RNF4: variants seen among roughly 807,000 people sequenced by gnomAD.
RNF4 encodes the protein E3 ubiquitin-protein ligase RNF4.
RNF4 carries 7 observed loss-of-function variants against 24.3 expected under a neutral mutation model. The observed-to-expected ratio is 0.29, with a 90% CI of 0.16 to 0.54. The LOEUF is 0.54. RNF4 is among the 20% of genes least tolerant of loss of function. RNF4 has a pLI of 0.95. For missense variants in RNF4, 209 were observed against 248.5 expected (o/e 0.84, Z 1.07); for synonymous variants, 83 against 84.3 (o/e 0.98, Z 0.09).
intron 1 of RNF4, among the ~76,000 whole-genome samples, chr4:2,470,444 G>A (rs571511978): frequency 1.3e-4 from 20 of 152,324 alleles, no homozygotes; most frequent in Admixed American, 7.8e-4. Context: ...AGGCATTCGA[G>A]TAGCAAGATA....
In RNF4 at chr4:2,512,324, C is replaced by G. The variant is rs1213365315; in HGVS notation, c.215-114C>G. 1.7e-5 allele frequency: 21 copies of G among 1,266,620 alleles called. No homozygotes were observed. Among genetic ancestry groups the G allele is most frequent in the Non-Finnish European group, 2.2e-5 (20 of 893,594 alleles). 78.5% of individuals were successfully genotyped at this position (1,266,620 alleles called of 1,614,324 possible). On this transcript the variant is annotated intron_variant, in intron 5 of 7. Coordinates refer to ENST00000314289, the MANE Select transcript of RNF4 (RefSeq NM_002938.5). The surrounding 1 kb of genome is among the most constrained non-coding windows in gnomAD (Gnocchi z 4.1). The stretch of plus-strand genomic sequence containing the variant: ...ATAGCTGAGCATGGCAGCAGTTTGT[C>G]TCTGGGGGTCCCAGGCAGGGAAGGA...
chr4:2,501,675 G>T (rs1033512350), intron 4 of RNF4, among the ~76,000 whole-genome samples: 1 of 152,210 alleles, frequency 6.6e-6, no homozygotes, highest in Non-Finnish European at 1.5e-5. Flanking sequence ...CACAGGTCGG[G>T]GTGGGGGCAC....
At chr4:2,478,057 G>A (rs1735133332) in intron 1 of RNF4, among the ~76,000 whole-genome samples, 1 of 152,188 alleles carries the variant, frequency 6.6e-6, no homozygotes, top group African/African-American at 2.4e-5. Flanking sequence ...AACTTGTTGG[G>A]AACTGGAGCA....
At chr4:2,477,662 A>G (rs1453347324) in intron 1 of RNF4, among the ~76,000 whole-genome samples, 1 of 152,158 alleles carries the variant, frequency 6.6e-6, no homozygotes, top group Non-Finnish European at 1.5e-5. Context: ...CCATCTATGT[A>G]AGGCATGACT....
intron 1 of RNF4, among the ~76,000 whole-genome samples, chr4:2,488,129 G>A (rs1735468052): frequency 6.6e-6 from 1 of 152,168 alleles, no homozygotes. Flanking sequence ...GGCAGGGGCT[G>A]TACTGTGAAT....
chr4:2,475,971 A>G (rs933678454), intron 1 of RNF4, among the ~76,000 whole-genome samples: 4 of 152,182 alleles, frequency 2.6e-5, no homozygotes, highest in African/African-American at 9.7e-5. Flanking sequence ...CACATGGCCA[A>G]TGTTTCTAGA....
chr4:2,514,240 G>A lies in RNF4; in HGVS notation c.*421G>A, dbSNP rs1174725467. 3 of 192,238 alleles carry A rather than the reference G, an allele frequency of 1.6e-5. No homozygotes were observed. Among genetic ancestry groups the A allele is most frequent in the Non-Finnish European group, 3.3e-5 (3 of 91,158 alleles). The allele number at this position is 192,238 out of a possible 1,614,324, so 11.9% of individuals were successfully genotyped here. A position where few individuals can be genotyped will look rare whatever the true frequency, so the allele number is the denominator to read the frequency against. ...GCCACACATTGACCAAGCCAGACCC[G>A]GTTCACCCAGCTCGAGGATCCCAGG... On this transcript the variant is annotated 3_prime_UTR_variant, in exon 8 of 8. Coordinates refer to ENST00000314289, the MANE Select transcript of RNF4 (RefSeq NM_002938.5).
chr4:2,485,759 T>C (rs1436296843), intron 1 of RNF4, among the ~76,000 whole-genome samples: 25 of 152,212 alleles, frequency 1.6e-4, no homozygotes, highest in Admixed American at 1.6e-3. Flanking sequence ...TCAATAAATA[T>C]GAGCATCTGC....
chr4:2,504,107 A>G (rs1308220047), intron 4 of RNF4, among the ~76,000 whole-genome samples: 1 of 152,222 alleles, frequency 6.6e-6, no homozygotes, highest in Non-Finnish European at 1.5e-5. Flanking sequence ...CATTCTTCCA[A>G]CTTTCGAAGG....
chr4:2,480,990 A>G (rs543818770), intron 1 of RNF4: 1 of 152,370 alleles, frequency 6.6e-6, no homozygotes, highest in East Asian at 1.9e-4. Context: ...TCTGTGAGAA[A>G]TATTAGGTGA....
rs1277439907 is a variant in RNF4 at position 2,514,095 on chromosome 4, C to T, written c.*276C>T. 2 of 413,314 alleles carry T rather than the reference C, an allele frequency of 4.8e-6. No individual in the cohort carries two copies. Among genetic ancestry groups the T allele is most frequent in the Non-Finnish European group, 8.8e-6 (2 of 227,840 alleles). 25.6% of individuals were successfully genotyped at this position (413,314 alleles called of 1,614,324 possible). On this transcript the variant is annotated 3_prime_UTR_variant, in exon 8 of 8. Coordinates refer to ENST00000314289, the MANE Select transcript of RNF4 (RefSeq NM_002938.5). ...TCAGGCGCATTGGGAATCGTGGTTCCAGTCTGGTTGCAGAATCTGCACATT... is the reference window on the plus strand; with the variant it reads ...TCAGGCGCATTGGGAATCGTGGTTCTAGTCTGGTTGCAGAATCTGCACATT...
intron 1 of RNF4, among the ~76,000 whole-genome samples, chr4:2,476,787 TTA>T (rs1398064821): frequency 1.3e-5 from 2 of 151,448 alleles, no homozygotes; most frequent in African/African-American, 4.9e-5. Flanking sequence ...GCAGGTGCAA[TTA>T]TATAGCACAG....
intron 1 of RNF4, among the ~76,000 whole-genome samples, chr4:2,471,301 CCTGTGAT>C (rs1560396991): frequency 6.6e-6 from 1 of 152,108 alleles, no homozygotes; most frequent in African/African-American, 2.4e-5. Flanking sequence ...GTTATAGTGA[CCTGTGAT>C]CAATGTTTTG....
At chr4:2,500,216 A>G (rs1258609719) in intron 3 of RNF4, among the ~76,000 whole-genome samples, 2 of 152,084 alleles carry the variant, frequency 1.3e-5, no homozygotes, top group Admixed American at 6.6e-5. Context: ...TACTAAGCTA[A>G]GCCTGACTTT....
chr4:2,474,433 A>G (rs956877575), intron 1 of RNF4, among the ~76,000 whole-genome samples: 5 of 151,932 alleles, frequency 3.3e-5, no homozygotes, highest in African/African-American at 1.2e-4. Context: ...AATTGCTGCA[A>G]TTTTTAAATA....
At chr4:2,490,741 G>A (rs1420394829) in intron 2 of RNF4, 2 of 450,354 alleles carry the variant, frequency 4.4e-6, no homozygotes, top group South Asian at 4.1e-5. Context: ...ATAGCTTAGG[G>A]TTTGGTAATC....
At chr4:2,502,502 G>GGTGAA (rs1735941383) in intron 4 of RNF4, among the ~76,000 whole-genome samples, 1 of 152,034 alleles carries the variant, frequency 6.6e-6, no homozygotes, top group Non-Finnish European at 1.5e-5. Flanking sequence ...TGGCCAACAT[G>GGTGAA]GTGAAACCCT....
chr4:2,486,149 C>T (rs1319994934), intron 1 of RNF4, among the ~76,000 whole-genome samples: 1 of 152,138 alleles, frequency 6.6e-6, no homozygotes, highest in Non-Finnish European at 1.5e-5. Context: ...AAATGGGGAA[C>T]ATAACAGTGC....
At position 2,512,735 on chromosome 4, in the gene RNF4, G is replaced by GGAACTGGGTCCA; in HGVS notation, c.374+145_374+156dup. 4 of 1,004,132 alleles carry GGAACTGGGTCCA rather than the reference G, an allele frequency of 4.0e-6. No homozygotes were observed. The highest frequency in any genetic ancestry group is 1.6e-5 in the African/African-American group (1 of 61,412). The allele number at this position is 1,004,132 out of a possible 1,614,324, so 62.2% of individuals were successfully genotyped here. A position where few individuals can be genotyped will look rare whatever the true frequency, so the allele number is the denominator to read the frequency against. On this transcript the variant is annotated intron_variant, in intron 6 of 7. Coordinates refer to ENST00000314289, the MANE Select transcript of RNF4 (RefSeq NM_002938.5). This position sits in a 1 kb window ranked among gnomAD's most constrained non-coding sequence, Gnocchi z 4.1. ...CTCTACCCAGCATCTGGATACAGTT[G>GGAACTGGGTCCA]GAACTGGGTCCAGAACTGAGTCCAG...
Sources: gnomAD v4.1 joint callset for allele counts (sites outside exome capture counted in the v4.1 genomes callset) on GRCh38, gnomAD v4.1.1 for gene constraint, Gnocchi (gnomAD v3.1) non-coding constraint, MANE v1.5 for transcripts, NCBI Gene and HGNC (gene_info 2026-07-23, HGNC 2026-07-21) for gene names.